The following KAZN variants were observed in gnomAD, a reference collection of about 807,000 sequenced individuals.
KAZN encodes the protein kazrin, periplakin interacting protein, also known as kazrin.
Under a neutral mutation model 87.4 loss-of-function variants are expected in KAZN, and 40 were observed. That is an observed-to-expected ratio of 0.46 (90% CI 0.36 to 0.60). The LOEUF (loss-of-function observed/expected upper bound fraction) is 0.60. KAZN is among the 20% of genes least tolerant of loss of function. KAZN has a pLI of 0.00. For synonymous variants in KAZN, 466 were observed against 458.3 expected (o/e 1.02, Z -0.22); for missense variants, 898 against 1,073.9 (o/e 0.84, Z 2.29).
At chr1:15,110,302 T>A (rs111064376) in intron 13 of KAZN, among the ~76,000 whole-genome samples, 62,118 of 151,186 alleles carry the variant, frequency 0.41, 13,121 homozygotes, top group Non-Finnish European at 0.47. Flanking sequence ...TGTATATGTA[T>A]GTGTGTATTT....
intron 2 of KAZN, among the ~76,000 whole-genome samples, chr1:14,393,063 G>A (rs1420030057): frequency 6.6e-6 from 1 of 152,126 alleles, no homozygotes; most frequent in African/African-American, 2.4e-5. Context: ...GTTCTCTGCT[G>A]GCTCATTTGT....
intron 2 of KAZN, among the ~76,000 whole-genome samples, chr1:14,587,725 A>G (rs1675945124): frequency 2.6e-5 from 4 of 152,102 alleles, no homozygotes; most frequent in Admixed American, 2.6e-4. Context: ...AGTCGGTCAT[A>G]AGACATCGGC....
chr1:15,110,996 G>C (rs1641590702), intron 13 of KAZN, among the ~76,000 whole-genome samples: 1 of 152,196 alleles, frequency 6.6e-6, no homozygotes, highest in African/African-American at 2.4e-5. Flanking sequence ...TGCAATTACA[G>C]CTGCTTCCCC....
intron 1 of KAZN, among the ~76,000 whole-genome samples, chr1:14,946,757 C>T (rs992046102): frequency 2.6e-5 from 4 of 152,178 alleles, no homozygotes; most frequent in African/African-American, 9.7e-5. Flanking sequence ...CATTTTGCTG[C>T]ATTTAACCCG....
intron 2 of KAZN, among the ~76,000 whole-genome samples, chr1:14,306,525 TG>T (rs761898159): frequency 6.6e-6 from 1 of 152,172 alleles, no homozygotes; most frequent in Non-Finnish European, 1.5e-5. Flanking sequence ...CTAACCTATC[TG>T]GGCCTGGACA....
intron 1 of KAZN, among the ~76,000 whole-genome samples, chr1:13,945,794 G>T (rs1054734307): frequency 3.8e-4 from 58 of 151,970 alleles, no homozygotes; most frequent in African/African-American, 1.4e-3. Context: ...CCTGGTAGAT[G>T]GGGTGAACTG....
chr1:14,102,687 C>T (rs903513891), intron 1 of KAZN, among the ~76,000 whole-genome samples: 5 of 152,130 alleles, frequency 3.3e-5, no homozygotes, highest in African/African-American at 4.8e-5. Flanking sequence ...CTCCGTGCAT[C>T]CCCGTGTATT....
In KAZN at chr1:15,048,725, T is replaced by TGATCCTTGGTCGTC. The variant is rs1673917961; in HGVS notation, c.726+4567_726+4568insATCCTTGGTCGTCG. The stretch of plus-strand genomic sequence containing the variant: ...TCCTTGGTCGTTGGTCCTGGGTCGT[T>TGATCCTTGGTCGTC]GGTCATGGGTCGTCGATCCTGGGTC... On this transcript the variant is annotated intron_variant, in intron 4 of 14. Transcript: ENST00000376030. 1.1e-4 allele frequency among the ~76,000 whole-genome samples: 15 copies of TGATCCTTGGTCGTC among 132,044 alleles called. 1 individual carries two copies. The highest frequency in any genetic ancestry group is 3.2e-4 in the African/African-American group (10 of 30,934). 86.6% of individuals were successfully genotyped at this position (132,044 alleles called of 152,430 possible).
chr1:13,916,306 C>T (rs1425124799), intron 1 of KAZN, among the ~76,000 whole-genome samples: 1 of 152,126 alleles, frequency 6.6e-6, no homozygotes. Context: ...TGGCATGCAG[C>T]AGGAGTCACC....
At chr1:14,554,765 A>C (rs192194875) in intron 2 of KAZN, among the ~76,000 whole-genome samples, 4 of 152,318 alleles carry the variant, frequency 2.6e-5, no homozygotes, top group African/African-American at 9.6e-5. Context: ...CTCCAAATTG[A>C]GTTATCTGGG....
chr1:14,125,022 T>C lies in KAZN; in HGVS notation c.92-55413T>C, dbSNP rs1378610818. ...AGCGAGTGGATAGGGTAATGGGTGG[T>C]GAGGCCTCAGTAGCAAGATCGGATC... On this transcript the variant is annotated intron_variant, in intron 1 of 16. Coordinates refer to the KAZN transcript ENST00000636203. 2.0e-5 allele frequency among the ~76,000 whole-genome samples: 3 copies of C among 152,190 alleles called. No individual in the cohort carries two copies. In the East Asian group the frequency reaches 5.8e-4, roughly 29 times the overall value.
chr1:14,342,178 C>T (rs933314757), intron 2 of KAZN, among the ~76,000 whole-genome samples: 4 of 152,148 alleles, frequency 2.6e-5, no homozygotes, highest in African/African-American at 7.2e-5. Flanking sequence ...TTTTTTGTGA[C>T]TGTATAGTAG....
intron 2 of KAZN, among the ~76,000 whole-genome samples, chr1:14,205,050 A>G (rs1028484594): frequency 1.3e-5 from 2 of 152,216 alleles, no homozygotes; most frequent in Non-Finnish European, 2.9e-5. Flanking sequence ...TCAGGGAGCC[A>G]GGCTGCTTCT....
At chr1:14,392,049 T>A (rs771168487) in intron 2 of KAZN, among the ~76,000 whole-genome samples, 37 of 150,632 alleles carry the variant, frequency 2.5e-4, no homozygotes, top group South Asian at 1.3e-3. Flanking sequence ...GAGCTGCCAC[T>A]GATTCCAGCA....
At chr1:14,306,341 A>G (rs769882077) in intron 2 of KAZN, among the ~76,000 whole-genome samples, 1 of 152,180 alleles carries the variant, frequency 6.6e-6, no homozygotes, top group Non-Finnish European at 1.5e-5. Context: ...TGGACCACGC[A>G]TGAGCTCAAA....
At chr1:14,727,309 C>A (rs1325709306) in intron 1 of KAZN, among the ~76,000 whole-genome samples, 1 of 152,054 alleles carries the variant, frequency 6.6e-6, no homozygotes, top group East Asian at 1.9e-4. Flanking sequence ...TCCCCGGCCC[C>A]TCCTGATGAA....
chr1:14,086,633 G>T (rs1393423902), intron 1 of KAZN, among the ~76,000 whole-genome samples: 2 of 152,058 alleles, frequency 1.3e-5, no homozygotes, highest in Admixed American at 1.3e-4. Flanking sequence ...TATTTAAGTA[G>T]ACTTTGCTGT....
At chr1:14,281,067 G>C (rs1248320671) in intron 2 of KAZN, among the ~76,000 whole-genome samples, 2 of 152,168 alleles carry the variant, frequency 1.3e-5, no homozygotes, top group Non-Finnish European at 2.9e-5. Context: ...AAGGGGACTT[G>C]GAACCAGTTT....
chr1:14,310,319 CA>C (rs1055240806), intron 2 of KAZN, among the ~76,000 whole-genome samples: 12 of 152,242 alleles, frequency 7.9e-5, no homozygotes, highest in Non-Finnish European at 1.6e-4. Context: ...AAAGAAAATG[CA>C]TTTCTTTCCA....
Sources: allele counts gnomAD v4.1 joint callset (sites outside exome capture counted in the v4.1 genomes callset), GRCh38; gene constraint gnomAD v4.1.1; transcripts MANE v1.5; gene names NCBI Gene and HGNC (gene_info 2026-07-23, HGNC 2026-07-21).